CALN1: variants seen among roughly 807,000 people sequenced by gnomAD.
The protein encoded by CALN1 is calneuron 1.
In CALN1, 17 loss-of-function variants were observed where a neutral mutation model predicts 30.6. The observed-to-expected ratio is 0.56, with a 90% CI of 0.38 to 0.83. CALN1 has a LOEUF of 0.83. Ranked by LOEUF, CALN1 falls within the 40% of genes least tolerant of loss-of-function variation. CALN1 has a pLI of 0.00. For synonymous variants in CALN1, 156 were observed against 131.4 expected (o/e 1.19, Z -1.28); for missense variants, 291 against 354.9 (o/e 0.82, Z 1.45).
intron 3 of CALN1, among the ~76,000 whole-genome samples, chr7:72,209,108 TCTC>T (rs1358649034): frequency 7.2e-6 from 1 of 139,740 alleles, no homozygotes; most frequent in Non-Finnish European, 1.5e-5. Flanking sequence ...GTGTCATTTC[TCTC>T]TTTTTTACTC....
chr7:72,451,243 A>G (rs1808655447), upstream of CALN1, among the ~76,000 whole-genome samples: 1 of 127,482 alleles, frequency 7.8e-6, no homozygotes, highest in African/African-American at 3.4e-5. Context: ...GAGAAGGAGG[A>G]AGAGGAGGAA....
At chr7:72,338,903 GT>G (rs113269740) in intron 2 of CALN1, among the ~76,000 whole-genome samples, 4,440 of 140,406 alleles carry the variant, frequency 0.032, 72 homozygotes, top group African/African-American at 0.056. Flanking sequence ...ATTCTAACTT[GT>G]TTTTTTTTTT....
At chr7:72,097,036 A>T (rs1390154602) in intron 4 of CALN1, among the ~76,000 whole-genome samples, 10 of 152,120 alleles carry the variant, frequency 6.6e-5, no homozygotes, top group Admixed American at 6.5e-4. Flanking sequence ...GGAAACCATC[A>T]TTCTCAGCAA....
At chr7:72,291,966 C>A (rs1798509410) in intron 2 of CALN1, among the ~76,000 whole-genome samples, 1 of 149,822 alleles carries the variant, frequency 6.7e-6, no homozygotes, top group Non-Finnish European at 1.5e-5. Context: ...GGGGCCACCG[C>A]ACTTCAGCCT....
At chr7:72,115,008 G>T (rs1807867561) in intron 3 of CALN1, among the ~76,000 whole-genome samples, 1 of 151,540 alleles carries the variant, frequency 6.6e-6, no homozygotes, top group Non-Finnish European at 1.5e-5. Flanking sequence ...TGCAACAGGA[G>T]CTCAGAAGTG....
At chr7:72,464,640 C>T in the CALN1 span, among the ~76,000 whole-genome samples, 1 of 152,146 alleles carries the variant, frequency 6.6e-6, no homozygotes, top group Non-Finnish European at 1.5e-5. Context: ...AAGAGCAAAG[C>T]CCACTGCAGA....
At chr7:72,415,764 G>T (rs554655480), upstream of CALN1, among the ~76,000 whole-genome samples, 2 of 152,306 alleles carry the variant, frequency 1.3e-5, no homozygotes, top group African/African-American at 4.8e-5. Context: ...CCAGGCAGTG[G>T]GGCAGAGGCC....
chr7:72,171,143 G>A (rs563538210), intron 3 of CALN1, among the ~76,000 whole-genome samples: 16 of 152,212 alleles, frequency 1.1e-4, no homozygotes, highest in African/African-American at 3.6e-4. Flanking sequence ...GGGTGACAGA[G>A]TGAGAGTCAG....
Position 72,191,116 on chromosome 7 carries a change from G to A in CALN1, c.245-84822C>T, listed in dbSNP as rs550856515. On this transcript the variant is annotated intron_variant, in intron 3 of 6. Coordinates refer to ENST00000395275, the MANE Select transcript of CALN1 (RefSeq NM_031468.4). ...TAGTGTGAGAGACAGATGCGCCAACGAATAATTACAACCCGCTGTAATGAA... is the reference window on the plus strand; with the variant it reads ...TAGTGTGAGAGACAGATGCGCCAACAAATAATTACAACCCGCTGTAATGAA... 6.0e-4 allele frequency among the ~76,000 whole-genome samples: 91 copies of A among 152,284 alleles called. 1 individual carries two copies. The highest frequency in any genetic ancestry group is 1.1e-3 in the Non-Finnish European group (78 of 68,028).
intron 2 of CALN1, among the ~76,000 whole-genome samples, chr7:72,386,019 A>G (rs1251702539): frequency 6.6e-6 from 1 of 152,238 alleles, no homozygotes; most frequent in Non-Finnish European, 1.5e-5. Flanking sequence ...GAGAGAAGCC[A>G]GTTTGAAAAG....
At chr7:72,460,852 A>G in the CALN1 span, among the ~76,000 whole-genome samples, 1 of 151,962 alleles carries the variant, frequency 6.6e-6, no homozygotes, top group Non-Finnish European at 1.5e-5. Context: ...GGTGCCCCCT[A>G]TAGAGGTTTT....
At chr7:72,420,470 G>C (rs1441071395) in intron 1 of CALN1, among the ~76,000 whole-genome samples, 2 of 151,756 alleles carry the variant, frequency 1.3e-5, no homozygotes, top group Non-Finnish European at 2.9e-5. Flanking sequence ...GAGGGAAGCA[G>C]GGCTACACCG....
intron 4 of CALN1, among the ~76,000 whole-genome samples, chr7:72,071,570 C>T (rs538940497): frequency 8.8e-4 from 134 of 152,272 alleles, no homozygotes; most frequent in Middle Eastern, 3.4e-3. Context: ...CTTACATTTA[C>T]ACCTCAAACT....
chr7:71,835,433 A>C (rs545191556), intron 5 of CALN1, among the ~76,000 whole-genome samples: 113 of 152,324 alleles, frequency 7.4e-4, no homozygotes, highest in African/African-American at 2.6e-3. Flanking sequence ...TCACGAACTT[A>C]GCCTGTGTTT....
rs3063970 is a variant in CALN1 at position 71,875,160 on chromosome 7, C to CA, written c.502-64669dup. Among the ~76,000 whole-genome samples the CA allele has an allele frequency of 5.8e-3, 397 of 68,740 alleles. 23 individuals are homozygous for CA. The highest frequency in any genetic ancestry group is 8.1e-3 in the Non-Finnish European group (301 of 37,048). 45.1% of individuals were successfully genotyped at this position (68,740 alleles called of 152,430 possible). ...AGCCTGGGTAAAGGAGACTCTGTCT[C>CA]AAAAAAAAAAAAAAAAAAAAAAAAA... On this transcript the variant is annotated intron_variant, in intron 5 of 6. Transcript: ENST00000395275.
intron 5 of CALN1, among the ~76,000 whole-genome samples, chr7:71,945,063 C>A (rs146279633): frequency 2.0e-4 from 31 of 152,246 alleles, no homozygotes; most frequent in African/African-American, 6.3e-4. Flanking sequence ...TGAGGCCCTC[C>A]CCACAGTAAT....
chr7:71,869,876 CAG>C (rs1791820406), intron 5 of CALN1, among the ~76,000 whole-genome samples: 1 of 152,076 alleles, frequency 6.6e-6, no homozygotes, highest in Non-Finnish European at 1.5e-5. Context: ...GGGAGTAGAG[CAG>C]AGAGGTCACC....
intron 3 of CALN1, among the ~76,000 whole-genome samples, chr7:72,217,865 T>C (rs1412261321): frequency 9.0e-6 from 1 of 111,392 alleles, no homozygotes; most frequent in African/African-American, 3.6e-5. Context: ...TTTTTTGAGA[T>C]GGAGTCCCGC....
intron 3 of CALN1, among the ~76,000 whole-genome samples, chr7:72,217,796 A>G (rs894820907): frequency 1.3e-5 from 2 of 149,502 alleles, no homozygotes; most frequent in African/African-American, 4.9e-5. Flanking sequence ...TGGGCAATAT[A>G]GCGAGATCCC....
Sources: gnomAD v4.1 joint callset for allele counts (sites outside exome capture counted in the v4.1 genomes callset) on GRCh38, gnomAD v4.1.1 for gene constraint, MANE v1.5 for transcripts, NCBI Gene and HGNC (gene_info 2026-07-23, HGNC 2026-07-21) for gene names.